The following NCAPG variants were observed in gnomAD, a reference collection of about 807,000 sequenced individuals.
NCAPG encodes the protein condensin complex subunit 3.
Under a neutral mutation model 113.1 loss-of-function variants are expected in NCAPG, and 69 were observed. The ratio of observed to expected loss-of-function variants is 0.61; its 90% confidence interval spans 0.50 to 0.75. The LOEUF is 0.75. NCAPG is among the 30% of genes least tolerant of loss of function. The pLI is 0.00. For synonymous variants in NCAPG, 370 were observed against 415.8 expected, an observed-to-expected ratio of 0.89 and a Z score of 1.34; for missense variants, 1,058 against 1,177.0, an observed-to-expected ratio of 0.90 and a Z score of 1.48.
intron 14 of NCAPG, among the ~76,000 whole-genome samples, chr4:17,835,919 G>A (rs1722075888): frequency 6.6e-6 from 1 of 152,158 alleles, no homozygotes; most frequent in South Asian, 2.1e-4. Context: ...GAATAGTGCT[G>A]CTTACTATGA....
intron 16 of NCAPG, among the ~76,000 whole-genome samples, chr4:17,838,554 C>T (rs911711108): frequency 1.3e-5 from 2 of 152,042 alleles, no homozygotes; most frequent in African/African-American, 4.8e-5. Context: ...AACTCATTGA[C>T]CAAAATTCAG....
rs1560223408 is a variant in NCAPG at position 17,818,028 on chromosome 4, G to T, written c.1058G>T (p.Gly353Val). ...TATTTGAAATCAAAAGGAGATGAAG[G>T]TGAAGAATTTTTAGAGCAGATTTTG... is the stretch of plus-strand genomic sequence containing the variant. ...CEYLKSKGDEGEEFLEQILPE... is the reference protein window; with the variant it reads ...CEYLKSKGDEVEEFLEQILPE... The change falls in exon 7 of 21, where the codon GGT becomes GTT. Residue 353 changes from glycine (G) to valine (V), a missense_variant. Coordinates refer to ENST00000251496, the MANE Select transcript of NCAPG (RefSeq NM_022346.5). The T allele has an allele frequency of 1.2e-6, 2 of 1,613,388 alleles. No homozygotes were observed. Among genetic ancestry groups the T allele is most frequent in the African/African-American group, 2.7e-5 (2 of 74,868 alleles).
Position 17,825,416 on chromosome 4 carries a change from A to T in NCAPG, c.1508A>T (p.Lys503Ile). The T allele has an allele frequency of 6.3e-7, 1 of 1,595,152 alleles. No homozygotes were observed. The highest frequency in any genetic ancestry group is 8.5e-7 in the Non-Finnish European group (1 of 1,175,388). The part of the protein sequence containing the change: ...AEIKVKLIEA[K>I]EALENCITLQ... ...ATAAAAGTTAAGCTTATCGAAGCCA[A>T]AGAAGCTTTGGAAAATTGCATTACC... Residue 503 changes from lysine to isoleucine, a missense_variant, in exon 11 of 21, where the codon AAA (lysine) becomes ATA (isoleucine). Coordinates refer to ENST00000251496, the MANE Select transcript of NCAPG (RefSeq NM_022346.5).
At position 17,812,274 on chromosome 4, in the gene NCAPG, T is replaced by C; in HGVS notation, c.165T>C (p.Val55=). The change falls in exon 2 of 21, where the codon GTT becomes GTC. Residue 55 remains valine, a synonymous_variant. Coordinates refer to ENST00000251496, the MANE Select transcript of NCAPG (RefSeq NM_022346.5). ...AGTTCATTCATTACCTTAAATATGTTATGGTGGTCTATAAACGTGAACCAG... is the reference window on the plus strand; with the variant it reads ...AGTTCATTCATTACCTTAAATATGTCATGGTGGTCTATAAACGTGAACCAG... ...HEEFIHYLKY[V]MVVYKREPAV... 1 of 1,613,752 alleles carries C rather than the reference T, an allele frequency of 6.2e-7. No individual in the cohort carries two copies. Among genetic ancestry groups the C allele is most frequent in the East Asian group, 2.2e-5 (1 of 44,790 alleles).
chr4:17,827,645 G>A (rs1232257758), intron 11 of NCAPG, among the ~76,000 whole-genome samples: 1 of 152,042 alleles, frequency 6.6e-6, no homozygotes, highest in Admixed American at 6.6e-5. Flanking sequence ...TGGACATGTT[G>A]AGTTTGAGGA....
Position 17,827,749 on chromosome 4 carries a change from G to A in NCAPG, c.1654-529G>A, listed in dbSNP as rs139554453. Among the ~76,000 whole-genome samples the A allele has an allele frequency of 2.1e-4, 31 of 151,104 alleles. No individual in the cohort carries two copies. The East Asian group carries it at 5.8e-3, about 28-fold the overall frequency. On this transcript the variant is annotated intron_variant, in intron 11 of 20. Coordinates refer to ENST00000251496, the MANE Select transcript of NCAPG (RefSeq NM_022346.5). ...CTGGGCTAGCTCATAGATGATAAACGAGGTTGTCAGGTTTTTTTTTTTTTG... is the reference window on the plus strand; with the variant it reads ...CTGGGCTAGCTCATAGATGATAAACAAGGTTGTCAGGTTTTTTTTTTTTTG...
At chr4:17,830,377 C>T (rs1230256568) in intron 12 of NCAPG, among the ~76,000 whole-genome samples, 1 of 150,338 alleles carries the variant, frequency 6.7e-6, no homozygotes, top group African/African-American at 2.5e-5. Flanking sequence ...TGGGTGACAG[C>T]GTGAGACTCT....
In NCAPG at chr4:17,823,021, G is replaced by C. The variant is rs1721521929; in HGVS notation, c.1157G>C (p.Arg386Thr). 1 of 1,608,594 alleles carries C rather than the reference G, an allele frequency of 6.2e-7. No homozygotes were observed. The highest frequency in any genetic ancestry group is 8.5e-7 in the Non-Finnish European group (1 of 1,177,792). Residue 386 changes from arginine (R) to threonine (T), a missense_variant, in exon 8 of 21, where the codon AGA becomes ACA. Transcript: ENST00000251496. Reference protein sequence around the residue: ...QSIPVVNEEHRGDFSYIGNLM... With the variant: ...QSIPVVNEEHTGDFSYIGNLM... Reference sequence around the variant, plus strand: ...ATTCCAGTTGTTAATGAAGAACACAGAGGTGATTTTTCCTATATTGGAAAT... The same window carrying C: ...ATTCCAGTTGTTAATGAAGAACACACAGGTGATTTTTCCTATATTGGAAAT...
intron 5 of NCAPG, among the ~76,000 whole-genome samples, chr4:17,816,327 A>T (rs1287632875): frequency 1.3e-5 from 2 of 152,160 alleles, no homozygotes; most frequent in African/African-American, 4.8e-5. Flanking sequence ...CTCAGGTGGT[A>T]ATGCTCGTTA....
At chr4:17,814,788 T>C in intron 3 of NCAPG, 65 bp from the exon 4 acceptor site, 1 of 1,494,900 alleles carries the variant, frequency 6.7e-7, no homozygotes, top group Non-Finnish European at 9.2e-7. Context: ...AAAATGTGTG[T>C]TATTTTATGA....
rs923503771 is a variant in NCAPG, at chr4:17,840,300, G to T, written c.2767+91G>T. ...TATTTTTTTCTACTCTAACATGTTTGGTTGGACATCAGAAATGAATGAAAT... is the reference window on the plus strand; with the variant it reads ...TATTTTTTTCTACTCTAACATGTTTTGTTGGACATCAGAAATGAATGAAAT... On this transcript the variant is annotated intron_variant, in intron 18 of 20. Coordinates refer to ENST00000251496, the MANE Select transcript of NCAPG (RefSeq NM_022346.5). 3.0e-6 allele frequency: 4 copies of T among 1,316,086 alleles called. No homozygotes were observed. In the Admixed American group the frequency reaches 8.6e-5, roughly 28 times the overall value. The allele number at this position is 1,316,086 out of a possible 1,614,324, so 81.5% of individuals were successfully genotyped here. A position where few individuals can be genotyped will look rare whatever the true frequency, so the allele number is the denominator to read the frequency against.
Position 17,811,298 on chromosome 4 carries a change from C to A in NCAPG, c.111+110C>A. 1 of 610,368 alleles carries A rather than the reference C, an allele frequency of 1.6e-6. No homozygotes were observed. The highest frequency in any genetic ancestry group is 2.7e-6 in the Non-Finnish European group (1 of 369,762). 37.8% of individuals were successfully genotyped at this position (610,368 alleles called of 1,614,324 possible). ...CGCACCGTGACTCCAGCCTTGTTCA[C>A]CTTCGCGACTCACTTCATAGGGATC... On this transcript the variant is annotated intron_variant, in intron 1 of 20. Coordinates refer to ENST00000251496, the MANE Select transcript of NCAPG (RefSeq NM_022346.5). The surrounding 1 kb of genome is among the most constrained non-coding windows in gnomAD (Gnocchi z 5.3).
chr4:17,817,834 G>T (rs1414463611), intron 6 of NCAPG, 105 bp from the exon 7 acceptor site: 4 of 1,120,254 alleles, frequency 3.6e-6, no homozygotes, highest in Non-Finnish European at 4.9e-6. Context: ...TAAAAGGATA[G>T]TGTAGTGGTT....
At chr4:17,820,429 G>A (rs1024150947) in intron 7 of NCAPG, among the ~76,000 whole-genome samples, 1 of 151,776 alleles carries the variant, frequency 6.6e-6, no homozygotes, top group Admixed American at 6.6e-5. Context: ...GTGAAACCCC[G>A]TCTCTACTAA....
chr4:17,820,584 A>G (rs1050827812), intron 7 of NCAPG, among the ~76,000 whole-genome samples: 5 of 152,184 alleles, frequency 3.3e-5, no homozygotes, highest in Non-Finnish European at 7.3e-5. Flanking sequence ...CCTGGGCAAC[A>G]GAGCAAGACT....
intron 16 of NCAPG, among the ~76,000 whole-genome samples, chr4:17,839,290 A>C (rs1722231079): frequency 6.6e-6 from 1 of 152,180 alleles, no homozygotes; most frequent in Non-Finnish European, 1.5e-5. Context: ...GAAACACTGT[A>C]CTTGTGCACG....
intron 4 of NCAPG, 123 bp downstream of exon 4, chr4:17,815,121 C>A: frequency 7.4e-7 from 1 of 1,350,354 alleles, no homozygotes; most frequent in Non-Finnish European, 1.0e-6. Flanking sequence ...ATGGAGAACA[C>A]AGGTAATTTA....
chr4:17,825,052 C>G lies in NCAPG; in HGVS notation c.1468C>G (p.Leu490Val), dbSNP rs1007806345. Residue 490 changes from leucine (L) to valine (V), a missense_variant, in exon 10 of 21, where the codon CTC becomes GTC. Transcript: ENST00000251496. ...NDPADVRKKE[L>V]KMAEIKVKLI... The stretch of plus-strand genomic sequence containing the variant: ...TCCAGCTGATGTAAGAAAGAAAGAA[C>G]TCAAGGTAAGTCTCTTTTAAATGAA... 6.2e-7 allele frequency: 1 copy of G among 1,610,236 alleles called. No individual in the cohort carries two copies. Among genetic ancestry groups the G allele is most frequent in the African/African-American group, 1.3e-5 (1 of 74,790 alleles).
At chr4:17,834,695 C>CCGT (rs1722019550) in intron 14 of NCAPG, among the ~76,000 whole-genome samples, 172 bp downstream of exon 14, 1 of 151,998 alleles carries the variant, frequency 6.6e-6, no homozygotes, top group Admixed American at 6.6e-5. Context: ...ACCCATCAAC[C>CCGT]CATCTACATT....
Sources: allele counts gnomAD v4.1 joint callset (sites outside exome capture counted in the v4.1 genomes callset), GRCh38; gene constraint gnomAD v4.1.1; non-coding constraint Gnocchi (gnomAD v3.1); transcripts MANE v1.5; gene names NCBI Gene and HGNC (gene_info 2026-07-23, HGNC 2026-07-21).